Variants in MYOM3 observed in about 807,000 individuals in gnomAD.
The protein encoded by MYOM3 is myomesin-3.
MYOM3 carries 155 observed loss-of-function variants against 191.7 expected under a neutral mutation model. That is an observed-to-expected ratio of 0.81 (90% CI 0.71 to 0.92). The LOEUF (loss-of-function observed/expected upper bound fraction) is 0.92, where lower values mean the gene tolerates loss of function less well. MYOM3 is among the 40% of genes least tolerant of loss of function. The probability of loss-of-function intolerance (pLI) is 0.00; values close to 1 mark genes in which losing one functional copy is unlikely to be tolerated. For synonymous variants in MYOM3, 757 were observed against 762.9 expected, an observed-to-expected ratio of 0.99 and a Z score of 0.13; for missense variants, 1,889 against 1,890.6, an observed-to-expected ratio of 1.00 and a Z score of 0.02.
At chr1:24,068,699 TTTTTTTG>T (rs1210588501) in intron 25 of MYOM3, among the ~76,000 whole-genome samples, 1 of 152,078 alleles carries the variant, frequency 6.6e-6, no homozygotes, top group Admixed American at 6.5e-5. Context: ...TTTTTCTTTC[TTTTTTTG>T]TTTTTTGTTT....
chr1:24,093,749 C>T lies in MYOM3; in HGVS notation c.929-641G>A, dbSNP rs147466105. Among the ~76,000 whole-genome samples the T allele has an allele frequency of 2.0e-4, 31 of 152,262 alleles. No individual in the cohort carries two copies. The East Asian group carries it at 4.6e-3, about 23-fold the overall frequency. ...GCACCTCCATTCTGGAAGATCTACA[C>T]GTTTGGGAAGACGTCTCAGCCTTGT... On this transcript the variant is annotated intron_variant, in intron 9 of 36. Transcript: ENST00000374434.
chr1:24,081,968 A>G (rs1643674619), intron 18 of MYOM3, 33 bp downstream of exon 18: 4 of 1,584,746 alleles, frequency 2.5e-6, no homozygotes, highest in Admixed American at 1.7e-5. Flanking sequence ...TAAACAAGTC[A>G]TGACACAGGC....
chr1:24,107,096 C>T lies in MYOM3; in HGVS notation c.379G>A (p.Asp127Asn). ...ACCCGCCGCCTCAGCGTCTTCCAGT[C>T]CCGCCTCTGGCGCAGCAGCCGGTGG... ...QTHRLLRQRR[D>N]WKTLRRRTEE... The change falls in exon 4 of 37, where the codon GAC (aspartate) becomes AAC (asparagine). Residue 127 changes from aspartate to asparagine, a missense_variant. Physicochemically the swap from Asp to Asn is conservative, Grantham distance 23. Coordinates refer to ENST00000374434, the MANE Select transcript of MYOM3 (RefSeq NM_152372.4). 6.2e-7 allele frequency: 1 copy of T among 1,611,074 alleles called. No individual in the cohort carries two copies. Among genetic ancestry groups the T allele is most frequent in the African/African-American group, 1.3e-5 (1 of 74,998 alleles).
intron 28 of MYOM3, 125 bp from the exon 29 acceptor site, chr1:24,066,126 C>A (rs1205081580): frequency 1.3e-6 from 1 of 748,668 alleles, no homozygotes; most frequent in South Asian, 1.4e-5. Context: ...CCTCTGCTGG[C>A]CTCTGGACTC....
Position 24,074,213 on chromosome 1 carries a change from A to G in MYOM3, c.2915T>C (p.Ile972Thr). The change falls in exon 23 of 37, where the codon ATA becomes ACA. Residue 972 changes from isoleucine to threonine, a missense_variant. Transcript: ENST00000374434. Reference sequence around the variant, plus strand: ...GATGTCTTCATCGGCATCAGTGACTATGACTGAGTAGGTGCCCAAATCCTC... The same window carrying G: ...GATGTCTTCATCGGCATCAGTGACTGTGACTGAGTAGGTGCCCAAATCCTC... ...GLEDLGTYSV[I>T]VTDADEDISA... is the part of the protein sequence containing the mutation. The G allele has an allele frequency of 6.2e-7, 1 of 1,614,098 alleles. No individual in the cohort carries two copies. Among genetic ancestry groups the G allele is most frequent in the Non-Finnish European group, 8.5e-7 (1 of 1,179,994 alleles).
intron 7 of MYOM3, among the ~76,000 whole-genome samples, chr1:24,096,313 T>C (rs1294067145): frequency 6.6e-6 from 1 of 151,248 alleles, no homozygotes; most frequent in East Asian, 1.9e-4. Flanking sequence ...GAGAAGAGGG[T>C]GGTAGTGGCG....
rs1643396467 is a variant in MYOM3, at chr1:24,063,425, T to C, written c.3661+67A>G. The C allele has an allele frequency of 6.3e-7, 1 of 1,589,346 alleles. No individual in the cohort carries two copies. Among genetic ancestry groups the C allele is most frequent in the Non-Finnish European group, 8.6e-7 (1 of 1,157,740 alleles). ...CCACCCCCAATAGCCAAGGCCAGTG[T>C]TAGGCTGCTTGGAGGCTGTTGGGCA... On this transcript the variant is annotated intron_variant, in intron 31 of 36. Transcript: ENST00000374434. The surrounding 1 kb of genome is among the most constrained non-coding windows in gnomAD (Gnocchi z 4.5).
intron 3 of MYOM3, 120 bp downstream of exon 3, chr1:24,107,873 T>C (rs1643997814): frequency 1.2e-6 from 1 of 827,454 alleles, no homozygotes; most frequent in Non-Finnish European, 2.0e-6. Flanking sequence ...ACCCTTATTC[T>C]AGATGTGGGA....
At chr1:24,090,287 G>A (rs1643800209) in intron 12 of MYOM3, among the ~76,000 whole-genome samples, 169 bp from the exon 13 acceptor site, 1 of 152,214 alleles carries the variant, frequency 6.6e-6, no homozygotes. Flanking sequence ...TTTCTCAGGA[G>A]TCCCAAGTGG....
At chr1:24,060,663 A>G (rs926704865) in intron 35 of MYOM3, among the ~76,000 whole-genome samples, 1 of 152,254 alleles carries the variant, frequency 6.6e-6, no homozygotes, top group Admixed American at 6.5e-5. Flanking sequence ...AGGCCGTGCC[A>G]TGTGCCTCTG....
At chr1:24,064,890 C>T (rs927680035) in intron 29 of MYOM3, among the ~76,000 whole-genome samples, 1 of 152,192 alleles carries the variant, frequency 6.6e-6, no homozygotes, top group Non-Finnish European at 1.5e-5. Context: ...CAGGAAGTCT[C>T]CAAGTTCTCA....
At chr1:24,071,913 T>C (rs994385306) in intron 24 of MYOM3, 56 bp downstream of exon 24, 3 of 1,568,806 alleles carry the variant, frequency 1.9e-6, no homozygotes, top group Non-Finnish European at 2.6e-6. Context: ...GCTCAGAACA[T>C]GCCAATGGGC....
At chr1:24,091,568 T>A (rs1269572053) in intron 11 of MYOM3, among the ~76,000 whole-genome samples, 1 of 152,164 alleles carries the variant, frequency 6.6e-6, no homozygotes, top group East Asian at 1.9e-4. Flanking sequence ...ATGACAAATG[T>A]GTCTTTGAGC....
In MYOM3 at chr1:24,063,187, G is replaced by A. The variant is rs768209290; in HGVS notation, c.3709C>T (p.Arg1237Trp). The A allele has an allele frequency of 1.7e-5, 27 of 1,613,888 alleles. No individual in the cohort carries two copies. The highest frequency in any genetic ancestry group is 1.6e-4 in the Middle Eastern group (1 of 6,064). Reference sequence around the variant, plus strand: ...TAGTACTTGACCTTGCTGAAGATCCGGATCCCTTCCTCGGTCCCCTGGATT... The same window carrying A: ...TAGTACTTGACCTTGCTGAAGATCCAGATCCCTTCCTCGGTCCCCTGGATT... ...LKIQGTEEGI[R>W]IFSKVKYYNV... Residue 1237 changes from arginine (R) to tryptophan (W), a missense_variant, in exon 32 of 37, where the codon CGG becomes TGG. By Grantham distance (101) the Arg-to-Trp change is moderately radical. Coordinates refer to ENST00000374434, the MANE Select transcript of MYOM3 (RefSeq NM_152372.4). The surrounding 1 kb of genome is among the most constrained non-coding windows in gnomAD (Gnocchi z 4.5).
chr1:24,067,937 A>C, intron 27 of MYOM3, 33 bp downstream of exon 27: 1 of 1,608,024 alleles, frequency 6.2e-7, no homozygotes, highest in South Asian at 1.1e-5. Context: ...ACCAGTGGCC[A>C]GGGATTTTGA....
In MYOM3 at chr1:24,063,081, A is replaced by G; in HGVS notation, c.3770+45T>C. 7.2e-7 allele frequency: 1 copy of G among 1,388,154 alleles called. No homozygotes were observed. Among genetic ancestry groups the G allele is most frequent in the South Asian group, 1.2e-5 (1 of 86,214 alleles). The allele number at this position is 1,388,154 out of a possible 1,614,324, so 86.0% of individuals were successfully genotyped here. ...GGAGGCCCCCATGGGTCAGGTGCTG[A>G]ATCCTTTCCAGCCTGGCTGGGGTTC... On this transcript the variant is annotated intron_variant, in intron 32 of 36. Coordinates refer to ENST00000374434, the MANE Select transcript of MYOM3 (RefSeq NM_152372.4). This position sits in a 1 kb window ranked among gnomAD's most constrained non-coding sequence, Gnocchi z 4.5.
At chr1:24,108,137 G>A (rs2148563167) in intron 2 of MYOM3, 64 bp from the exon 3 acceptor site, 1 of 1,487,258 alleles carries the variant, frequency 6.7e-7, no homozygotes, top group African/African-American at 1.4e-5. Flanking sequence ...CCTGAGATTA[G>A]GGCTGCATCT....
At chr1:24,109,072 C>T (rs1018620353) in intron 1 of MYOM3, among the ~76,000 whole-genome samples, 2 of 152,206 alleles carry the variant, frequency 1.3e-5, no homozygotes, top group African/African-American at 2.4e-5. Flanking sequence ...GACGGGCAGG[C>T]GTCCCCATTC....
rs191557649 is a variant in MYOM3, at chr1:24,086,597, C to A, written c.1798+47G>T. 2.6e-4 allele frequency: 413 copies of A among 1,582,720 alleles called. No homozygotes were observed. In the African/African-American group the frequency reaches 5.0e-3, roughly 19 times the overall value. ...TGTCCCTGCAGCTTCAGGTCCTGAGCCTGGCCTGGCCTGCCTCCTCCCCGA... is the reference window on the plus strand; with the variant it reads ...TGTCCCTGCAGCTTCAGGTCCTGAGACTGGCCTGGCCTGCCTCCTCCCCGA... On this transcript the variant is annotated intron_variant, in intron 15 of 36. Coordinates refer to ENST00000374434, the MANE Select transcript of MYOM3 (RefSeq NM_152372.4).
Sources: gnomAD v4.1 joint callset for allele counts (sites outside exome capture counted in the v4.1 genomes callset) on GRCh38, gnomAD v4.1.1 for gene constraint, Gnocchi (gnomAD v3.1) non-coding constraint, MANE v1.5 for transcripts, NCBI Gene and HGNC (gene_info 2026-07-23, HGNC 2026-07-21) for gene names.